The following CDH12 variants were observed in gnomAD, a reference collection of about 807,000 sequenced individuals.
CDH12 encodes cadherin-12.
In CDH12, 41 loss-of-function variants were observed where a neutral mutation model predicts 74.1. The ratio of observed to expected loss-of-function variants is 0.55; its 90% CI spans 0.43 to 0.72. CDH12 has a LOEUF of 0.72. Ranked by LOEUF, CDH12 falls within the 30% of genes least tolerant of loss-of-function variation. The pLI is 0.00. For synonymous variants in CDH12, 399 were observed against 355.0 expected (o/e 1.12, Z -1.39); for missense variants, 945 against 977.2 (o/e 0.97, Z 0.44).
At chr5:22,524,540 T>G (rs1374647398) in intron 1 of CDH12, among the ~76,000 whole-genome samples, 1 of 152,174 alleles carries the variant, frequency 6.6e-6, no homozygotes, top group African/African-American at 2.4e-5. Flanking sequence ...ATATATTATA[T>G]AAAACATTTT....
intron 3 of CDH12, among the ~76,000 whole-genome samples, chr5:22,384,450 C>T (rs1049973470): frequency 3.8e-5 from 5 of 133,288 alleles, no homozygotes; most frequent in South Asian, 2.5e-4. Context: ...GGCGTGAACC[C>T]GGGAGGCGGA....
chr5:21,762,165 G>A (rs1744762546), intron 12 of CDH12, among the ~76,000 whole-genome samples: 1 of 152,052 alleles, frequency 6.6e-6, no homozygotes, highest in South Asian at 2.1e-4. Flanking sequence ...TAAATTAAAT[G>A]TATAACATCA....
intron 9 of CDH12, among the ~76,000 whole-genome samples, chr5:21,805,212 A>C (rs1000035371): frequency 2.6e-5 from 4 of 152,074 alleles, no homozygotes; most frequent in Non-Finnish European, 5.9e-5. Context: ...TCATATGTTG[A>C]AGTACTTCTA....
intron 3 of CDH12, among the ~76,000 whole-genome samples, chr5:22,235,051 T>C (rs1752515717): frequency 1.3e-5 from 2 of 152,146 alleles, no homozygotes; most frequent in Admixed American, 6.5e-5. Context: ...TGTTTGACTA[T>C]CGTAAAGAAA....
chr5:22,151,896 A>T (rs913517394), intron 4 of CDH12: 1 of 152,160 alleles, frequency 6.6e-6, no homozygotes, highest in Admixed American at 6.6e-5. Context: ...GAAAACAGAT[A>T]GTTATGACTC....
At chr5:22,297,148 A>G (rs1390911797) in intron 3 of CDH12, among the ~76,000 whole-genome samples, 2 of 151,814 alleles carry the variant, frequency 1.3e-5, no homozygotes, top group African/African-American at 4.8e-5. Context: ...CAGCCTCCTG[A>G]GTAGCTGGGG....
chr5:22,295,642 A>G (rs1326053563), intron 3 of CDH12, among the ~76,000 whole-genome samples: 2 of 152,254 alleles, frequency 1.3e-5, no homozygotes, highest in East Asian at 3.9e-4. Flanking sequence ...TGTTACATCT[A>G]CACATCATGG....
chr5:22,825,330 G>A (rs1176424471), intron 1 of CDH12, among the ~76,000 whole-genome samples: 1 of 151,992 alleles, frequency 6.6e-6, no homozygotes, highest in Non-Finnish European at 1.5e-5. Flanking sequence ...ATAATGTCTG[G>A]GAAAGATTTA....
rs529731896 is a variant in CDH12 at position 21,827,093 on chromosome 5, A to G, written c.815-9961T>C. On this transcript the variant is annotated intron_variant, in intron 8 of 14. Coordinates refer to ENST00000382254, the MANE Select transcript of CDH12 (RefSeq NM_004061.5). ...ACCTACTATCAGTCTACAAATGAGC[A>G]AGCTGGGGGCTAATGGCCATGAGGT... 4.6e-5 allele frequency among the ~76,000 whole-genome samples: 7 copies of G among 152,224 alleles called. No homozygotes were observed. In the South Asian group the frequency reaches 1.5e-3, roughly 32 times the overall value.
At chr5:22,658,954 A>G (rs1242797120) in intron 1 of CDH12, among the ~76,000 whole-genome samples, 1 of 152,176 alleles carries the variant, frequency 6.6e-6, no homozygotes, top group Non-Finnish European at 1.5e-5. Flanking sequence ...TCAACAGTAC[A>G]AATTTATCTC....
At chr5:22,152,708 C>T (rs1323378872) in intron 4 of CDH12, among the ~76,000 whole-genome samples, 1 of 152,150 alleles carries the variant, frequency 6.6e-6, no homozygotes, top group Non-Finnish European at 1.5e-5. Flanking sequence ...TAAAACGGAT[C>T]TCTTGAAGTA....
chr5:21,840,948 T>C lies in CDH12; in HGVS notation c.814+1213A>G, dbSNP rs867912375. On this transcript the variant is annotated intron_variant, in intron 8 of 14. Coordinates refer to ENST00000382254, the MANE Select transcript of CDH12 (RefSeq NM_004061.5). Reference sequence around the variant, plus strand: ...TTACCATTCAGGACATAGGCATGGGTAAGGACTTCATGTCTAAAACACCAA... The same window carrying C: ...TTACCATTCAGGACATAGGCATGGGCAAGGACTTCATGTCTAAAACACCAA... 4.4e-3 allele frequency among the ~76,000 whole-genome samples: 673 copies of C among 151,466 alleles called. 7 individuals carry two copies. The highest frequency in any genetic ancestry group is 6.9e-3 in the Non-Finnish European group (470 of 67,722).
At chr5:22,281,480 T>G (rs979015438) in intron 3 of CDH12, among the ~76,000 whole-genome samples, 2 of 152,136 alleles carry the variant, frequency 1.3e-5, no homozygotes, top group African/African-American at 4.8e-5. Flanking sequence ...AAAACCCCAT[T>G]GTCTCAGCCC....
chr5:21,967,429 T>C (rs1404032624), intron 6 of CDH12, among the ~76,000 whole-genome samples: 5 of 152,190 alleles, frequency 3.3e-5, no homozygotes, highest in Admixed American at 1.3e-4. Flanking sequence ...ACATATTTAA[T>C]GTTTACAACC....
intron 1 of CDH12, among the ~76,000 whole-genome samples, chr5:22,789,845 A>G (rs1334770705): frequency 1.3e-5 from 2 of 151,808 alleles, no homozygotes; most frequent in Admixed American, 1.3e-4. Context: ...TTATATATTT[A>G]TTTGTAAGAA....
chr5:22,250,113 G>A (rs1011960792), intron 3 of CDH12, among the ~76,000 whole-genome samples: 1 of 152,040 alleles, frequency 6.6e-6, no homozygotes, highest in Non-Finnish European at 1.5e-5. Context: ...GTGTCTATGA[G>A]AAAGTGCAGA....
rs751949410 is a variant in CDH12, at chr5:21,755,812, T to A, written c.1664A>T (p.Asn555Ile). The A allele has an allele frequency of 1.2e-6, 2 of 1,613,932 alleles. No homozygotes were observed. Among genetic ancestry groups the A allele is most frequent in the African/African-American group, 2.7e-5 (2 of 74,912 alleles). ...NNTAGIETRR[N>I]GYSRRQQELY... ...CTCTTGCTGCCTGCGGCTGTATCCA[T>A]TTCTTCGGGTTTCAATCCCCGCTGT... Residue 555 changes from asparagine (N) to isoleucine (I), a missense_variant, in exon 14 of 15, where the codon AAT becomes ATT. Asn to Ile is a moderately radical substitution (Grantham distance 149). Around this residue, in one of 3 missense-constraint regions of CDH12, gnomAD observed 791 missense variants for 792.8 expected, o/e 1.00. Coordinates refer to ENST00000382254, the MANE Select transcript of CDH12 (RefSeq NM_004061.5).
chr5:22,654,120 G>A (rs570100217), intron 1 of CDH12, among the ~76,000 whole-genome samples: 20 of 124,700 alleles, frequency 1.6e-4, no homozygotes, highest in South Asian at 2.5e-4. Context: ...TGTCCTTCCC[G>A]TTCCTTCTCC....
At chr5:22,097,574 C>T (rs889657601) in intron 4 of CDH12, among the ~76,000 whole-genome samples, 2 of 152,018 alleles carry the variant, frequency 1.3e-5, no homozygotes, top group African/African-American at 2.4e-5. Flanking sequence ...TTTAGTTATC[C>T]CCACCTGCCC....
Sources: gnomAD v4.1 joint callset for allele counts (sites outside exome capture counted in the v4.1 genomes callset) on GRCh38, gnomAD v4.1.1 for gene constraint, gnomAD v4.1.1 regional missense constraint, MANE v1.5 for transcripts, NCBI Gene and HGNC (gene_info 2026-07-23, HGNC 2026-07-21) for gene names.